Variants in CD46 observed in about 807,000 individuals in gnomAD.
CD46 encodes membrane cofactor protein.
In CD46, 30 loss-of-function variants were observed where a neutral mutation model predicts 53.3. The observed-to-expected ratio is 0.56, with a 90% confidence interval of 0.42 to 0.76. The LOEUF (loss-of-function observed/expected upper bound fraction) is 0.76, where lower values mean the gene tolerates loss of function less well. Ranked by LOEUF, CD46 falls within the 30% of genes least tolerant of loss-of-function variation. CD46 has a pLI of 0.00. For synonymous variants in CD46, 142 were observed against 152.0 expected, an observed-to-expected ratio of 0.93 and a Z score of 0.48; for missense variants, 409 against 463.0, an observed-to-expected ratio of 0.88 and a Z score of 1.07.
rs2724374 is a variant in CD46, at chr1:207,767,846, G to T, written c.901+23G>T. 1,238,488 of 1,569,160 alleles carry T rather than the reference G, an allele frequency of 0.79. 491,030 individuals carry two copies. The highest frequency in any genetic ancestry group is 1 in the East Asian group (44,374 of 44,584). On this transcript the variant is annotated intron_variant, in intron 7 of 12. Transcript: ENST00000367042. ...CAGGTTTAGTAATTTCCTGCTTATA[G>T]TTTTTCAAAAATCCTTTAAATTCCT...
chr1:207,782,820 G>GC (rs1658897305), intron 8 of CD46, among the ~76,000 whole-genome samples: 1 of 133,872 alleles, frequency 7.5e-6, no homozygotes, highest in Non-Finnish European at 1.6e-5. Context: ...GCTAATTTTT[G>GC]TTTTTTTTTT....
In CD46 at chr1:207,767,287, C is replaced by CA. The variant is rs532074191; in HGVS notation, c.856+96dup. 108 of 1,118,482 alleles carry CA rather than the reference C, an allele frequency of 9.7e-5. No individual in the cohort carries two copies. In the African/African-American group the frequency reaches 1.4e-3, roughly 15 times the overall value. 69.3% of individuals were successfully genotyped at this position (1,118,482 alleles called of 1,614,324 possible). The stretch of plus-strand genomic sequence containing the variant: ...TCTTTGATATTAACTATCAGTCATA[C>CA]AAAATAACTGAAAAGAAACAATTTT... On this transcript the variant is annotated intron_variant, in intron 6 of 12. Transcript: ENST00000367042.
chr1:207,756,670 A>C (rs1187793705), intron 1 of CD46, among the ~76,000 whole-genome samples: 1 of 152,220 alleles, frequency 6.6e-6, no homozygotes, highest in Non-Finnish European at 1.5e-5. Flanking sequence ...ATACTGTAGA[A>C]GACTTCTTAG....
Position 207,752,233 on chromosome 1 carries a change from C to A in CD46, c.21C>A (p.Arg7=), listed in dbSNP as rs1654988965. ...CGCGCATGGAGCCTCCCGGCCGCCGCGAGTGTCCCTTTCCTTCCTGGCGCT... is the reference window on the plus strand; with the variant it reads ...CGCGCATGGAGCCTCCCGGCCGCCGAGAGTGTCCCTTTCCTTCCTGGCGCT... MEPPGR[R]ECPFPSWRFP... is the part of the protein sequence containing the mutation. The change falls in exon 1 of 13, where the codon CGC becomes CGA. Residue 7 remains arginine (R), a synonymous_variant. Coordinates refer to ENST00000367042, the MANE Select transcript of CD46 (RefSeq NM_172351.3). This position sits in a 1 kb window ranked among gnomAD's most constrained non-coding sequence, Gnocchi z 4.1. 6.2e-7 allele frequency: 1 copy of A among 1,613,960 alleles called. No individual in the cohort carries two copies.
In CD46 at chr1:207,767,125, C is replaced by G; in HGVS notation, c.786C>G (p.Leu262=). 1 of 1,613,820 alleles carries G rather than the reference C, an allele frequency of 6.2e-7. No homozygotes were observed. Among genetic ancestry groups the G allele is most frequent in the Non-Finnish European group, 8.5e-7 (1 of 1,179,714 alleles). The part of the protein sequence containing the change: ...VMFECDKGFY[L]DGSDTIVCDS... Reference sequence around the variant, plus strand: ...TTGAATGCGATAAGGGTTTTTACCTCGATGGCAGCGACACAATTGTCTGTG... The same window carrying G: ...TTGAATGCGATAAGGGTTTTTACCTGGATGGCAGCGACACAATTGTCTGTG... The change falls in exon 6 of 13, where the codon CTC becomes CTG. Residue 262 remains leucine (L), a synonymous_variant. Transcript: ENST00000367042.
intron 9 of CD46, 124 bp from the exon 10 acceptor site, chr1:207,784,947 G>A: frequency 6.4e-6 from 5 of 784,662 alleles, no homozygotes; most frequent in South Asian, 5.8e-5. Context: ...TGGGAATTGC[G>A]ATTCAAGATG....
intron 5 of CD46, among the ~76,000 whole-genome samples, chr1:207,764,191 C>G (rs1485813566): frequency 6.6e-6 from 1 of 152,196 alleles, no homozygotes; most frequent in Non-Finnish European, 1.5e-5. Context: ...GCACAGGCAC[C>G]TGCTCTGGGC....
intron 5 of CD46, among the ~76,000 whole-genome samples, chr1:207,766,747 C>T (rs1016013749): frequency 6.6e-6 from 1 of 152,010 alleles, no homozygotes; most frequent in African/African-American, 2.4e-5. Context: ...AGGGCAGGGA[C>T]AAGTAAGAAT....
intron 12 of CD46, among the ~76,000 whole-genome samples, chr1:207,792,410 C>T (rs1470324316): frequency 1.3e-5 from 2 of 152,164 alleles, no homozygotes. Context: ...AGTAATGACG[C>T]AGTAGAGAAC....
intron 12 of CD46, among the ~76,000 whole-genome samples, chr1:207,791,355 T>C (rs1659784928): frequency 6.6e-6 from 1 of 152,150 alleles, no homozygotes; most frequent in Non-Finnish European, 1.5e-5. Flanking sequence ...ACTAATAATA[T>C]CAATTATAAA....
At chr1:207,766,039 GC>G (rs1237986773) in intron 5 of CD46, among the ~76,000 whole-genome samples, 1 of 152,176 alleles carries the variant, frequency 6.6e-6, no homozygotes, top group Non-Finnish European at 1.5e-5. Context: ...AGTGAAATAA[GC>G]CATACTAAGA....
At chr1:207,765,251 A>G (rs1656715425) in intron 5 of CD46, among the ~76,000 whole-genome samples, 1 of 152,230 alleles carries the variant, frequency 6.6e-6, no homozygotes, top group African/African-American at 2.4e-5. Flanking sequence ...GACAGAATTC[A>G]TCATCTTATT....
chr1:207,752,145 C>A lies in CD46; in HGVS notation c.-68C>A, dbSNP rs1654969327. Reference sequence around the variant, plus strand: ...CCATATCTGGACCCAGAAGGGACTTCCCTGCTCGGCTGGCTCTCGGTTTCT... The same window carrying A: ...CCATATCTGGACCCAGAAGGGACTTACCTGCTCGGCTGGCTCTCGGTTTCT... On this transcript the variant is annotated 5_prime_UTR_variant, in exon 1 of 13. Transcript: ENST00000367042. The surrounding 1 kb of genome is among the most constrained non-coding windows in gnomAD (Gnocchi z 4.1). 2.1e-6 allele frequency: 3 copies of A among 1,432,696 alleles called. No homozygotes were observed. The highest frequency in any genetic ancestry group is 1.7e-5 in the Admixed American group (1 of 59,786). The allele number at this position is 1,432,696 out of a possible 1,614,324, so 88.7% of individuals were successfully genotyped here.
intron 6 of CD46, 72 bp downstream of exon 6, chr1:207,767,267 G>A: frequency 4.0e-6 from 5 of 1,249,754 alleles, no homozygotes; most frequent in Non-Finnish European, 4.7e-6. Flanking sequence ...TTATTTCTTT[G>A]ATATTAACTA....
In CD46 at chr1:207,779,592, T is replaced by C. The variant is rs534537945; in HGVS notation, c.944-3700T>C. Among the ~76,000 whole-genome samples, 8 of 152,310 alleles carry C rather than the reference T, an allele frequency of 5.3e-5. No individual in the cohort carries two copies. The South Asian group carries it at 1.7e-3, about 32-fold the overall frequency. On this transcript the variant is annotated intron_variant, in intron 8 of 12. Coordinates refer to ENST00000367042, the MANE Select transcript of CD46 (RefSeq NM_172351.3). ...CCCTAATGGCTATGACTTTGGTGTC[T>C]TTCTTACTAAAACTTTAGGTCTTCT...
At chr1:207,770,648 C>T (rs191197107) in intron 8 of CD46, among the ~76,000 whole-genome samples, 55 of 152,184 alleles carry the variant, frequency 3.6e-4, no homozygotes, top group African/African-American at 1.2e-3. Context: ...TGAGAACATG[C>T]GGTGTTTGGT....
At chr1:207,759,141 A>G (rs1655897379) in intron 3 of CD46, among the ~76,000 whole-genome samples, 1 of 152,232 alleles carries the variant, frequency 6.6e-6, no homozygotes, top group Non-Finnish European at 1.5e-5. Context: ...ATGCTAACTT[A>G]TCTAATCCCC....
chr1:207,757,604 C>A lies in CD46; in HGVS notation c.351C>A (p.Tyr117Ter). ...AAGCAGTCCCTGCAAATGGGACTTA[C>A]GAGTTTGGTTATCAGATGCACTTTA... ...NGQAVPANGT[Y>*]EFGYQMHFIC... Residue 117 changes from tyrosine to a stop codon, truncating the protein, a stop_gained, in exon 3 of 13, where the codon TAC (tyrosine) becomes TAA (stop). Transcript: ENST00000367042. LOFTEE classifies it high-confidence loss of function. 6.2e-7 allele frequency: 1 copy of A among 1,611,238 alleles called. No homozygotes were observed. The highest frequency in any genetic ancestry group is 8.5e-7 in the Non-Finnish European group (1 of 1,178,192).
At position 207,753,141 on chromosome 1, in the gene CD46, T is replaced by C. The variant is rs184010772; in HGVS notation, c.97+832T>C. On this transcript the variant is annotated intron_variant, in intron 1 of 12. Transcript: ENST00000367042. ...CCAATATAGATAGTATCTGATTCCA[T>C]TGCCTAATGGCTTTTTGACATTGTT... Among the ~76,000 whole-genome samples the C allele has an allele frequency of 1.4e-3, 220 of 152,304 alleles. 1 individual carries two copies. Among genetic ancestry groups the C allele is most frequent in the African/African-American group, 5.0e-3 (207 of 41,570 alleles).
Sources: gnomAD v4.1 joint callset for allele counts (sites outside exome capture counted in the v4.1 genomes callset) on GRCh38, gnomAD v4.1.1 for gene constraint, Gnocchi (gnomAD v3.1) non-coding constraint, MANE v1.5 for transcripts, NCBI Gene and HGNC (gene_info 2026-07-23, HGNC 2026-07-21) for gene names.